NFATC2: variants seen among roughly 807,000 people sequenced by gnomAD.
The protein encoded by NFATC2 is nuclear factor of activated T cells 2, also known as nuclear factor of activated T-cells, cytoplasmic 2.
A neutral mutation model predicts 87.3 loss-of-function variants in NFATC2; 22 were observed. The observed-to-expected ratio is 0.25, with a 90% CI of 0.18 to 0.36. The LOEUF (loss-of-function observed/expected upper bound fraction) is 0.36, where lower values mean the gene tolerates loss of function less well. Ranked by LOEUF, NFATC2 falls within the 10% of genes least tolerant of loss-of-function variation. The pLI is 1.00. For missense variants in NFATC2, 1,149 were observed against 1,259.1 expected (o/e 0.91, Z 1.32); for synonymous variants, 565 against 542.2 (o/e 1.04, Z -0.58).
chr20:51,475,693 C>A, intron 3 of NFATC2, 33 bp from the exon 4 acceptor site: 1 of 1,606,882 alleles, frequency 6.2e-7, no homozygotes, highest in Non-Finnish European at 8.5e-7. Flanking sequence ...CATTAAGGTG[C>A]GGGGTGTGGT....
At chr20:51,409,498 T>C (rs908100670) in intron 9 of NFATC2, among the ~76,000 whole-genome samples, 1 of 152,188 alleles carries the variant, frequency 6.6e-6, no homozygotes, top group African/African-American at 2.4e-5. Context: ...GCAATTATGC[T>C]AAGGTGTGAA....
intron 3 of NFATC2, 79 bp from the exon 4 acceptor site, chr20:51,475,739 C>T: frequency 7.2e-7 from 1 of 1,392,256 alleles, no homozygotes; most frequent in Admixed American, 2.0e-5. Context: ...GACCAGAGAG[C>T]TCATGGGCAG....
rs777188685 is a variant in NFATC2, at chr20:51,523,227, C to T, written c.1014G>A (p.Lys338=). Residue 338 remains lysine, a synonymous_variant, in exon 2 of 11, where the codon AAG becomes AAA. Coordinates refer to ENST00000371564, the MANE Select transcript of NFATC2 (RefSeq NM_012340.5). The surrounding 1 kb of genome is among the most constrained non-coding windows in gnomAD (Gnocchi z 6.9). ...GGTAGATGTGGCGAGGCAGGCCGGC[C>T]TTGGATGGGGCGGCAGACACCGGCG... The part of the protein sequence containing the change: ...DPSPVSAAPS[K]AGLPRHIYPA... The T allele has an allele frequency of 1.9e-6, 3 of 1,613,638 alleles. No individual in the cohort carries two copies. Among genetic ancestry groups the T allele is most frequent in the Non-Finnish European group, 2.5e-6 (3 of 1,179,816 alleles).
upstream of NFATC2, among the ~76,000 whole-genome samples, chr20:51,546,994 G>A (rs1316703289): frequency 1.3e-5 from 2 of 152,184 alleles, no homozygotes; most frequent in African/African-American, 4.8e-5. Flanking sequence ...GGAAGGATGA[G>A]AAGATGGTGT....
In NFATC2 at chr20:51,398,745, C is replaced by CAAAATCATTTTTGAGAAGAAAA; in HGVS notation, c.2723-37_2723-16dup. ...GTCTATCAGCTCTGAAAAAGATTTG[C>CAAAATCATTTTTGAGAAGAAAA]AAAATCATTTTTGAGAAGAAAAAAA... On this transcript the variant is annotated splice_polypyrimidine_tract_variant and intron_variant, in intron 9 of 10. Coordinates refer to ENST00000371564, the MANE Select transcript of NFATC2 (RefSeq NM_012340.5). The CAAAATCATTTTTGAGAAGAAAA allele has an allele frequency of 6.4e-7, 1 of 1,568,944 alleles. No homozygotes were observed. Among genetic ancestry groups the CAAAATCATTTTTGAGAAGAAAA allele is most frequent in the Non-Finnish European group, 8.7e-7 (1 of 1,145,988 alleles).
intron 5 of NFATC2, among the ~76,000 whole-genome samples, chr20:51,473,507 G>A (rs1451288331): frequency 6.6e-6 from 1 of 152,122 alleles, no homozygotes; most frequent in Non-Finnish European, 1.5e-5. Context: ...CTAGCTCCCG[G>A]GACTGCTGTG....
chr20:51,390,127 A>G lies in NFATC2; in HGVS notation c.*1369T>C, dbSNP rs997796614. On this transcript the variant is annotated 3_prime_UTR_variant, in exon 11 of 11. Coordinates refer to ENST00000371564, the MANE Select transcript of NFATC2 (RefSeq NM_012340.5). ...CGCTCAGTGGAAACAGTTGGGAGGA[A>G]GGAAATCACATATAACATGCAACCG... 2 of 152,158 alleles carry G rather than the reference A, an allele frequency of 1.3e-5. No individual in the cohort carries two copies. The highest frequency in any genetic ancestry group is 4.8e-5 in the African/African-American group (2 of 41,412). The allele number at this position is 152,158 out of a possible 1,614,324, so 9.4% of individuals were successfully genotyped here.
chr20:51,525,287 T>C (rs981354702), intron 1 of NFATC2, among the ~76,000 whole-genome samples: 1 of 152,152 alleles, frequency 6.6e-6, no homozygotes, highest in African/African-American at 2.4e-5. Flanking sequence ...AACTTCCTCT[T>C]TTAGCGGCTG....
chr20:51,523,011 A>C lies in NFATC2; in HGVS notation c.1160+70T>G. ...AGTCTTAAACCTGACTCTGAATCCC[A>C]TGCTCATAACCAGAAAACCATCTCT... On this transcript the variant is annotated intron_variant, in intron 2 of 10. Transcript: ENST00000371564. The surrounding 1 kb of genome is among the most constrained non-coding windows in gnomAD (Gnocchi z 6.9). 6.3e-7 allele frequency: 1 copy of C among 1,592,008 alleles called. No homozygotes were observed. Among genetic ancestry groups the C allele is most frequent in the African/African-American group, 1.3e-5 (1 of 74,470 alleles).
At chr20:51,552,573 G>T (rs117178682) in intron 1 of NFATC2, among the ~76,000 whole-genome samples, 2 of 152,122 alleles carry the variant, frequency 1.3e-5, no homozygotes, top group African/African-American at 2.4e-5. Context: ...GCAAAAGGCC[G>T]TTAGTTGAAT....
At position 51,427,330 on chromosome 20, in the gene NFATC2, T is replaced by C. The variant is rs73912734; in HGVS notation, c.2722+4737A>G. On this transcript the variant is annotated intron_variant, in intron 9 of 10. Transcript: ENST00000371564. Reference sequence around the variant, plus strand: ...CACTTTCCCCAGCGCCTCTCCCGCTTGCTTGCGTCCTGAGTGGTAAAAAGT... The same window carrying C: ...CACTTTCCCCAGCGCCTCTCCCGCTCGCTTGCGTCCTGAGTGGTAAAAAGT... Among the ~76,000 whole-genome samples, 1,116 of 152,288 alleles carry C rather than the reference T, an allele frequency of 7.3e-3. 19 individuals are homozygous for C. The highest frequency in any genetic ancestry group is 0.026 in the African/African-American group (1,064 of 41,546).
At position 51,434,302 on chromosome 20, in the gene NFATC2, G is replaced by A. The variant is rs151192320; in HGVS notation, c.2032+886C>T. On this transcript the variant is annotated intron_variant, in intron 8 of 10. Transcript: ENST00000371564. ...AGTATAATGCTTCTAGAAGCCCAGA[G>A]GCTCCCTGAGAAACTGTCATAGGAT... Among the ~76,000 whole-genome samples, 420 of 152,234 alleles carry A rather than the reference G, an allele frequency of 2.8e-3. 1 individual carries two copies. The highest frequency in any genetic ancestry group is 9.5e-3 in the African/African-American group (395 of 41,536).
intron 9 of NFATC2, among the ~76,000 whole-genome samples, chr20:51,428,772 C>T (rs1411068994): frequency 6.6e-6 from 1 of 152,184 alleles, no homozygotes; most frequent in Non-Finnish European, 1.5e-5. Flanking sequence ...CAGAACCTTC[C>T]CTCAACCCTC....
upstream of NFATC2, among the ~76,000 whole-genome samples, chr20:51,544,048 C>T (rs893105663): frequency 1.2e-4 from 15 of 122,936 alleles, no homozygotes; most frequent in Admixed American, 3.4e-4. Flanking sequence ...AGTGCAGTGG[C>T]GCGATCTTGG....
chr20:51,412,787 G>T (rs896025123), intron 9 of NFATC2, among the ~76,000 whole-genome samples: 3 of 152,176 alleles, frequency 2.0e-5, no homozygotes, highest in African/African-American at 7.2e-5. Flanking sequence ...AGGGGTGCAT[G>T]CCAGCTGGGC....
chr20:51,471,777 A>G (rs1355271386), intron 5 of NFATC2, among the ~76,000 whole-genome samples: 2 of 152,228 alleles, frequency 1.3e-5, no homozygotes, highest in African/African-American at 2.4e-5. Context: ...AACAGAAGCT[A>G]TCTGCAGATA....
chr20:51,509,096 T>C (rs1366457596), intron 3 of NFATC2, among the ~76,000 whole-genome samples: 1 of 151,940 alleles, frequency 6.6e-6, no homozygotes, highest in Non-Finnish European at 1.5e-5. Flanking sequence ...AACTCAGCCC[T>C]GCTCTCTCCT....
intron 1 of NFATC2, among the ~76,000 whole-genome samples, chr20:51,527,054 G>C (rs775264322): frequency 1.3e-5 from 2 of 151,720 alleles, no homozygotes; most frequent in South Asian, 2.1e-4. Context: ...GCACACCACC[G>C]GGCTCAGCTA....
intron 3 of NFATC2, among the ~76,000 whole-genome samples, chr20:51,497,186 AC>A (rs1046656942): frequency 6.6e-6 from 1 of 152,018 alleles, no homozygotes; most frequent in East Asian, 1.9e-4. Flanking sequence ...CAAACCAGGC[AC>A]CCTCCGAGGC....
Sources: gnomAD v4.1 joint callset for allele counts (sites outside exome capture counted in the v4.1 genomes callset) on GRCh38, gnomAD v4.1.1 for gene constraint, Gnocchi (gnomAD v3.1) non-coding constraint, MANE v1.5 for transcripts, NCBI Gene and HGNC (gene_info 2026-07-23, HGNC 2026-07-21) for gene names.